DEPTOR: variants seen among roughly 807,000 people sequenced by gnomAD.
The protein encoded by DEPTOR is DEP domain containing MTOR interacting protein.
DEPTOR carries 41 observed loss-of-function variants against 41.6 expected under a neutral mutation model. The ratio of observed to expected loss-of-function variants is 0.98; its 90% CI spans 0.77 to 1.28. The LOEUF (loss-of-function observed/expected upper bound fraction) is 1.28, where lower values mean the gene tolerates loss of function less well. DEPTOR is among the 50% of genes most tolerant of loss of function. The probability of loss-of-function intolerance (pLI) is 0.00; values close to 1 mark genes in which losing one functional copy is unlikely to be tolerated. For missense variants in DEPTOR, 514 were observed against 527.9 expected (o/e 0.97, Z 0.26); for synonymous variants, 195 against 192.3 (o/e 1.01, Z -0.12).
chr8:120,036,126 C>T (rs1429723804), intron 8 of DEPTOR, among the ~76,000 whole-genome samples: 2 of 152,116 alleles, frequency 1.3e-5, no homozygotes, highest in African/African-American at 4.8e-5. Flanking sequence ...TGTGATTGAC[C>T]CATTTGCTGA....
chr8:119,955,147 T>C (rs779943265), intron 3 of DEPTOR, among the ~76,000 whole-genome samples: 5 of 152,012 alleles, frequency 3.3e-5, no homozygotes, highest in Non-Finnish European at 5.9e-5. Context: ...CATGAGCCAC[T>C]GCACCCGGCC....
chr8:119,880,770 C>G (rs1305987902), intron 1 of DEPTOR, among the ~76,000 whole-genome samples: 1 of 152,086 alleles, frequency 6.6e-6, no homozygotes. Context: ...GAATTTGTAA[C>G]CATTTTAATG....
intron 3 of DEPTOR, 129 bp from the exon 4 acceptor site, chr8:119,965,103 G>C: frequency 3.0e-6 from 3 of 997,616 alleles, no homozygotes; most frequent in Non-Finnish European, 4.3e-6. Flanking sequence ...TACATGTGTG[G>C]TGGCACCTGA....
intron 1 of DEPTOR, among the ~76,000 whole-genome samples, chr8:119,898,773 A>G (rs989697473): frequency 6.6e-6 from 1 of 152,140 alleles, no homozygotes; most frequent in African/African-American, 2.4e-5. Context: ...GCTTAGGGAC[A>G]TTGTGATAGT....
intron 3 of DEPTOR, among the ~76,000 whole-genome samples, chr8:119,954,594 T>C (rs1828394019): frequency 6.6e-6 from 1 of 152,210 alleles, no homozygotes; most frequent in South Asian, 2.1e-4. Context: ...CATTCACATC[T>C]ATTCCCAGGT....
At chr8:119,925,448 C>CA (rs1827951567) in intron 1 of DEPTOR, among the ~76,000 whole-genome samples, 1 of 151,800 alleles carries the variant, frequency 6.6e-6, no homozygotes, top group African/African-American at 2.4e-5. Flanking sequence ...ACAAAAAAAA[C>CA]CCATCAGATC....
At chr8:119,949,892 C>G (rs1397319809) in intron 3 of DEPTOR, among the ~76,000 whole-genome samples, 1 of 152,050 alleles carries the variant, frequency 6.6e-6, no homozygotes, top group East Asian at 1.9e-4. Flanking sequence ...GTTGGCCCGG[C>G]TGGTCTTGAA....
chr8:119,891,267 G>C (rs984020037), intron 1 of DEPTOR: 4 of 151,876 alleles, frequency 2.6e-5, no homozygotes, highest in African/African-American at 9.7e-5. Context: ...ATTCTACTCT[G>C]AGCTTTCACG....
chr8:119,973,193 C>T (rs1184545790), intron 4 of DEPTOR, among the ~76,000 whole-genome samples: 2 of 151,966 alleles, frequency 1.3e-5, no homozygotes, highest in South Asian at 2.1e-4. Context: ...CCCACCTCAG[C>T]CTCCCAAAGT....
At chr8:120,008,984 G>C in intron 7 of DEPTOR, 45 bp from the exon 8 acceptor site, 1 of 1,589,634 alleles carries the variant, frequency 6.3e-7, no homozygotes, top group South Asian at 1.1e-5. Flanking sequence ...TAAGCAAATT[G>C]CCGGAGACAG....
chr8:119,973,842 T>G (rs1188290681), intron 4 of DEPTOR, among the ~76,000 whole-genome samples: 2 of 152,204 alleles, frequency 1.3e-5, no homozygotes, highest in African/African-American at 4.8e-5. Context: ...TTTACATACA[T>G]TATCTTTTTA....
intron 1 of DEPTOR, among the ~76,000 whole-genome samples, chr8:119,921,961 G>A (rs991725872): frequency 1.3e-5 from 2 of 151,850 alleles, no homozygotes; most frequent in Non-Finnish European, 2.9e-5. Context: ...AATAGGCTGG[G>A]CGCAGTAGCT....
chr8:119,959,009 C>T (rs372148639), intron 3 of DEPTOR, among the ~76,000 whole-genome samples: 4 of 152,074 alleles, frequency 2.6e-5, no homozygotes, highest in South Asian at 2.1e-4. Flanking sequence ...TGTTGACATA[C>T]GTGTGACAGT....
At chr8:119,928,362 A>G (rs374411237) in intron 1 of DEPTOR, 38 bp from the exon 2 acceptor site, 26 of 1,599,660 alleles carry the variant, frequency 1.6e-5, no homozygotes, top group Non-Finnish European at 2.1e-5. Flanking sequence ...TTGTGCTGTC[A>G]TCAGAATTTC....
chr8:120,044,610 T>C (rs1586672143), intron 8 of DEPTOR, among the ~76,000 whole-genome samples: 1 of 152,300 alleles, frequency 6.6e-6, no homozygotes, highest in Middle Eastern at 3.4e-3. Context: ...TTGGTTGACA[T>C]TCCTATCCAT....
chr8:120,002,733 G>T (rs1812368056), intron 5 of DEPTOR, among the ~76,000 whole-genome samples: 1 of 134,736 alleles, frequency 7.4e-6, no homozygotes, highest in African/African-American at 2.8e-5. Context: ...AGCCCAGGTT[G>T]TGTCACGTAC....
intron 4 of DEPTOR, among the ~76,000 whole-genome samples, chr8:119,982,933 G>A (rs1388823950): frequency 6.6e-6 from 1 of 152,200 alleles, no homozygotes; most frequent in Non-Finnish European, 1.5e-5. Context: ...ACTGCCCTGA[G>A]CAAAATTCTT....
rs547326653 is a variant in DEPTOR at position 119,885,406 on chromosome 8, A to G, written c.122+11438A>G. On this transcript the variant is annotated intron_variant, in intron 1 of 8. Coordinates refer to ENST00000286234, the MANE Select transcript of DEPTOR (RefSeq NM_022783.4). ...CTGACAATAATAAAACTGTTTAGGG[A>G]TGTGGTTTTGAGGGAATTACCTAAT... 4.6e-5 allele frequency among the ~76,000 whole-genome samples: 7 copies of G among 152,286 alleles called. No homozygotes were observed. The East Asian group carries it at 1.4e-3, about 29-fold the overall frequency.
intron 8 of DEPTOR, among the ~76,000 whole-genome samples, chr8:120,013,675 T>A (rs568038741): frequency 6.6e-6 from 1 of 152,302 alleles, no homozygotes; most frequent in South Asian, 2.1e-4. Flanking sequence ...AGAGCTGACC[T>A]AGGATAGTGT....
Sources: gnomAD v4.1 joint callset for allele counts (sites outside exome capture counted in the v4.1 genomes callset) on GRCh38, gnomAD v4.1.1 for gene constraint, MANE v1.5 for transcripts, NCBI Gene and HGNC (gene_info 2026-07-23, HGNC 2026-07-21) for gene names.